The following PDE6A variants were observed in gnomAD, a reference collection of about 807,000 sequenced individuals.
PDE6A encodes the protein phosphodiesterase 6A, also known as rod cGMP-specific 3',5'-cyclic phosphodiesterase subunit alpha.
Under a neutral mutation model 106.3 loss-of-function variants are expected in PDE6A, and 84 were observed. The ratio of observed to expected loss-of-function variants is 0.79; its 90% CI spans 0.66 to 0.95. PDE6A has a LOEUF of 0.95. Ranked by LOEUF, PDE6A falls within the 40% of genes least tolerant of loss-of-function variation. The probability of loss-of-function intolerance (pLI) is 0.00; values close to 1 mark genes in which losing one functional copy is unlikely to be tolerated. For synonymous variants in PDE6A, 394 were observed against 386.6 expected (o/e 1.02, Z -0.23); for missense variants, 1,052 against 1,084.9 (o/e 0.97, Z 0.43).
At chr5:149,930,528 G>A (rs939446604) in intron 4 of PDE6A, among the ~76,000 whole-genome samples, 2 of 152,204 alleles carry the variant, frequency 1.3e-5, no homozygotes, top group African/African-American at 2.4e-5. Flanking sequence ...GAGCGACATC[G>A]AACTCTGCCT....
At chr5:149,902,135 T>C (rs1581184761) in intron 8 of PDE6A, among the ~76,000 whole-genome samples, 1 of 152,166 alleles carries the variant, frequency 6.6e-6, no homozygotes, top group Admixed American at 6.5e-5. Flanking sequence ...CCCTGCAGGA[T>C]CTGGTCTCTG....
At chr5:149,921,140 G>A (rs1002857703) in intron 5 of PDE6A, among the ~76,000 whole-genome samples, 1 of 152,192 alleles carries the variant, frequency 6.6e-6, no homozygotes, top group African/African-American at 2.4e-5. Context: ...ATTCCTGCAA[G>A]GTGAAGCCTT....
chr5:149,910,989 C>T (rs759353031), intron 6 of PDE6A, among the ~76,000 whole-genome samples: 9 of 148,416 alleles, frequency 6.1e-5, no homozygotes, highest in Non-Finnish European at 1.0e-4. Context: ...AAGTGATCCT[C>T]CTGCCTCAGC....
chr5:149,923,359 G>T (rs138557086), intron 4 of PDE6A, among the ~76,000 whole-genome samples: 2 of 152,122 alleles, frequency 1.3e-5, no homozygotes, highest in East Asian at 1.9e-4. Flanking sequence ...TTAGCCGGGC[G>T]TGGTGGTATG....
At chr5:149,921,591 T>C in intron 5 of PDE6A, 44 bp downstream of exon 5, 1 of 1,486,004 alleles carries the variant, frequency 6.7e-7, no homozygotes, top group South Asian at 1.1e-5. Context: ...GTGCCTTGCA[T>C]TTGAATATAT....
At chr5:149,929,609 AAAATAAATAAATAAAT>A (rs370987088) in intron 4 of PDE6A, among the ~76,000 whole-genome samples, 1 of 145,296 alleles carries the variant, frequency 6.9e-6, no homozygotes, top group African/African-American at 2.6e-5. Context: ...TCCGTCTCAA[AAAATAAATAAATAAAT>A]AAATAAATAA....
chr5:149,918,768 T>G (rs1753625415), intron 5 of PDE6A, among the ~76,000 whole-genome samples: 1 of 151,884 alleles, frequency 6.6e-6, no homozygotes, highest in African/African-American at 2.4e-5. Context: ...CGCGTCACCA[T>G]GCCCGGCTAC....
At position 149,944,288 on chromosome 5, in the gene PDE6A, T is replaced by C; in HGVS notation, c.386A>G (p.Asp129Gly). The change falls in exon 1 of 22, where the codon GAC (aspartate) becomes GGC (glycine). Residue 129 changes from aspartate to glycine, a missense_variant. Around this residue, in one of 3 missense-constraint regions of PDE6A, gnomAD observed 913 missense variants for 915.2 expected, o/e 1.00. Transcript: ENST00000255266. ...AVLEDCLVMP[D>G]QEIVFPLDMG... ...GTCCAAAGGGAAGACGATCTCTTGG[T>C]CGGGCATCACCAGGCAGTCCTCGAG... 1 of 1,614,062 alleles carries C rather than the reference T, an allele frequency of 6.2e-7. No individual in the cohort carries two copies. The highest frequency in any genetic ancestry group is 8.5e-7 in the Non-Finnish European group (1 of 1,180,024).
intron 7 of PDE6A, among the ~76,000 whole-genome samples, chr5:149,906,919 C>CG (rs1349792325): frequency 6.6e-6 from 1 of 152,040 alleles, no homozygotes; most frequent in Non-Finnish European, 1.5e-5. Context: ...TTACAGGCGC[C>CG]TGCCACCATG....
chr5:149,880,569 C>T (rs568743124), intron 17 of PDE6A, among the ~76,000 whole-genome samples: 3 of 151,488 alleles, frequency 2.0e-5, no homozygotes, highest in Non-Finnish European at 2.9e-5. Flanking sequence ...AAAAATTAGC[C>T]GGGCATGGTG....
chr5:149,940,501 A>T (rs926932456), intron 1 of PDE6A, among the ~76,000 whole-genome samples: 3 of 121,192 alleles, frequency 2.5e-5, no homozygotes, highest in Admixed American at 1.7e-4. Context: ...TACCTGTTTG[A>T]ATCCTTTTTT....
intron 13 of PDE6A, among the ~76,000 whole-genome samples, chr5:149,892,914 G>C (rs1752596536): frequency 6.6e-6 from 1 of 152,176 alleles, no homozygotes; most frequent in African/African-American, 2.4e-5. Flanking sequence ...CTTGGTCAAA[G>C]GTATTCTCAA....
intron 17 of PDE6A, among the ~76,000 whole-genome samples, chr5:149,882,812 C>T (rs988009533): frequency 3.9e-5 from 6 of 152,152 alleles, no homozygotes; most frequent in African/African-American, 1.4e-4. Context: ...AATCCCAGCA[C>T]TTTGAGAGAC....
chr5:149,906,943 T>C (rs1753214268), intron 7 of PDE6A, among the ~76,000 whole-genome samples: 1 of 152,052 alleles, frequency 6.6e-6, no homozygotes, highest in Non-Finnish European at 1.5e-5. Flanking sequence ...AGCAAATTTT[T>C]ATATTTTTAG....
At chr5:149,914,678 A>T in intron 6 of PDE6A, among the ~76,000 whole-genome samples, 1 of 148,580 alleles carries the variant, frequency 6.7e-6, no homozygotes, top group East Asian at 1.9e-4. Context: ...AAAAGGTAGC[A>T]GTAACCTGAC....
At position 149,863,347 on chromosome 5, in the gene PDE6A, TCCAACA is replaced by T; in HGVS notation, c.2359-87_2359-82del. The T allele has an allele frequency of 1.4e-6, 2 of 1,426,548 alleles. No homozygotes were observed. Among genetic ancestry groups the T allele is most frequent in the Non-Finnish European group, 2.0e-6 (2 of 1,015,664 alleles). The allele number at this position is 1,426,548 out of a possible 1,614,324, so 88.4% of individuals were successfully genotyped here. ...CAAGCGGGTGGCACAGCTGGAAACG[TCCAACA>T]CTGGAATGAGCTGCTTCGGAGTAGC... On this transcript the variant is annotated intron_variant, in intron 20 of 21. Transcript: ENST00000255266. The surrounding 1 kb of genome is among the most constrained non-coding windows in gnomAD (Gnocchi z 4.7).
chr5:149,894,723 C>T (rs1415535946), intron 13 of PDE6A, among the ~76,000 whole-genome samples: 1 of 150,178 alleles, frequency 6.7e-6, no homozygotes, highest in Non-Finnish European at 1.5e-5. Flanking sequence ...CCTCTGCCTC[C>T]CGGGTTCAAG....
chr5:149,872,462 G>A (rs1188144515), intron 17 of PDE6A, among the ~76,000 whole-genome samples: 1 of 126,680 alleles, frequency 7.9e-6, no homozygotes, highest in Admixed American at 7.7e-5. Flanking sequence ...CGTGTGTAGA[G>A]CTCTCAAAAG....
chr5:149,925,389 A>T (rs78858956), intron 4 of PDE6A, among the ~76,000 whole-genome samples: 268 of 152,354 alleles, frequency 1.8e-3, no homozygotes, highest in African/African-American at 6.2e-3. Flanking sequence ...AAAACTCAAT[A>T]GTTTAACAGT....
Sources: allele counts gnomAD v4.1 joint callset (sites outside exome capture counted in the v4.1 genomes callset), GRCh38; gene constraint gnomAD v4.1.1; regional missense constraint gnomAD v4.1.1; non-coding constraint Gnocchi (gnomAD v3.1); transcripts MANE v1.5; gene names NCBI Gene and HGNC (gene_info 2026-07-23, HGNC 2026-07-21).